The following CTNNA3 variants were observed in gnomAD, a reference collection of about 807,000 sequenced individuals.
CTNNA3 encodes catenin alpha 3, also known as catenin alpha-3.
A neutral mutation model predicts 95.7 loss-of-function variants in CTNNA3; 76 were observed. The observed-to-expected ratio is 0.79, with a 90% CI of 0.66 to 0.96. CTNNA3 has a LOEUF of 0.96. Ranked by LOEUF, CTNNA3 falls within the 40% of genes least tolerant of loss-of-function variation. The pLI, the probability that CTNNA3 is intolerant of heterozygous loss-of-function variation, is 0.00. For synonymous variants in CTNNA3, 431 were observed against 374.4 expected, an observed-to-expected ratio of 1.15 and a Z score of -1.74; for missense variants, 1,191 against 1,089.8, an observed-to-expected ratio of 1.09 and a Z score of -1.31.
At chr10:66,020,228 C>A (rs1389290357) in intron 15 of CTNNA3, among the ~76,000 whole-genome samples, 1 of 152,170 alleles carries the variant, frequency 6.6e-6, no homozygotes, top group African/African-American at 2.4e-5. Flanking sequence ...ATGCATCTAT[C>A]CCAGGAAGCT....
intron 12 of CTNNA3, among the ~76,000 whole-genome samples, chr10:66,365,351 C>T (rs1024341524): frequency 3.3e-5 from 5 of 152,046 alleles, no homozygotes; most frequent in African/African-American, 1.2e-4. Context: ...CACATGGACA[C>T]AGGGAGGGGA....
At chr10:66,778,693 T>G (rs1840409567) in intron 7 of CTNNA3, among the ~76,000 whole-genome samples, 1 of 151,790 alleles carries the variant, frequency 6.6e-6, no homozygotes, top group Admixed American at 6.6e-5. Context: ...AAAAAAATTC[T>G]GGGCCGAGTG....
intron 5 of CTNNA3, among the ~76,000 whole-genome samples, chr10:67,351,856 T>C (rs745600818): frequency 2.0e-5 from 3 of 152,014 alleles, no homozygotes; most frequent in Non-Finnish European, 2.9e-5. Flanking sequence ...GGGATTTTAA[T>C]GCACTCTCTG....
intron 10 of CTNNA3, among the ~76,000 whole-genome samples, chr10:66,564,832 T>C (rs1326846248): frequency 6.6e-6 from 1 of 152,146 alleles, no homozygotes; most frequent in East Asian, 1.9e-4. Flanking sequence ...AATAAATTAG[T>C]GGGGGAAGGG....
intron 9 of CTNNA3, among the ~76,000 whole-genome samples, chr10:66,670,065 T>C (rs1235401122): frequency 1.3e-5 from 2 of 152,190 alleles, no homozygotes; most frequent in Non-Finnish European, 2.9e-5. Flanking sequence ...GAAATCTCCC[T>C]TTCCCTAAAC....
chr10:66,038,713 C>T (rs147576528), intron 15 of CTNNA3, among the ~76,000 whole-genome samples: 23 of 152,228 alleles, frequency 1.5e-4, no homozygotes, highest in African/African-American at 5.1e-4. Flanking sequence ...TTGATGGAGG[C>T]ATGAAAGGAT....
intron 7 of CTNNA3, among the ~76,000 whole-genome samples, chr10:66,933,340 C>A (rs954093731): frequency 3.3e-5 from 5 of 152,140 alleles, no homozygotes; most frequent in Middle Eastern, 3.2e-3. Flanking sequence ...AGACACCGAC[C>A]AGCGAACACT....
At chr10:66,887,660 G>T (rs1263357018) in intron 7 of CTNNA3, among the ~76,000 whole-genome samples, 1 of 152,100 alleles carries the variant, frequency 6.6e-6, no homozygotes, top group Non-Finnish European at 1.5e-5. Context: ...TGAATCTTTT[G>T]TCTATAGCTT....
At chr10:67,411,159 T>G (rs1047566071) in intron 5 of CTNNA3, among the ~76,000 whole-genome samples, 2 of 152,084 alleles carry the variant, frequency 1.3e-5, no homozygotes, top group African/African-American at 2.4e-5. Context: ...TTAATGGCAA[T>G]GAGTTGTGTA....
intron 12 of CTNNA3, among the ~76,000 whole-genome samples, chr10:66,337,944 G>C (rs1253575356): frequency 6.6e-6 from 1 of 151,868 alleles, no homozygotes; most frequent in African/African-American, 2.4e-5. Flanking sequence ...GCATAGCCTA[G>C]GTATCCATAG....
intron 7 of CTNNA3, among the ~76,000 whole-genome samples, chr10:67,043,320 TCTC>T (rs937718678): frequency 1.1e-4 from 16 of 152,102 alleles, no homozygotes; most frequent in African/African-American, 3.6e-4. Context: ...AGAGATTTAT[TCTC>T]CTATGTTCTC....
rs181741554 is a variant in CTNNA3 at position 66,918,824 on chromosome 10, A to G, written c.1048-143300T>C. ...CATGTGTGTAGATAGATAAATAGAG[A>G]GAGAGAGAGAGGTTATAAAGACATA... On this transcript the variant is annotated intron_variant, in intron 7 of 17. Transcript: ENST00000433211. Among the ~76,000 whole-genome samples the G allele has an allele frequency of 1.3e-4, 20 of 151,986 alleles. No homozygotes were observed. The Middle Eastern group carries it at 0.014, about 103-fold the overall frequency.
chr10:67,615,911 G>A (rs1256375142), intron 2 of CTNNA3, among the ~76,000 whole-genome samples: 3 of 152,086 alleles, frequency 2.0e-5, no homozygotes. Context: ...TGATCCACCT[G>A]CCTCGGCCTC....
chr10:66,538,895 A>T (rs540613660), intron 10 of CTNNA3, among the ~76,000 whole-genome samples: 5 of 152,180 alleles, frequency 3.3e-5, no homozygotes, highest in African/African-American at 1.2e-4. Context: ...TTTTTAAAAA[A>T]TTTTCCCTAG....
chr10:65,948,696 A>G (rs1015030676), intron 17 of CTNNA3, among the ~76,000 whole-genome samples: 1 of 152,130 alleles, frequency 6.6e-6, no homozygotes, highest in Non-Finnish European at 1.5e-5. Flanking sequence ...CTATTTGAAC[A>G]TTTCTGTCTT....
chr10:66,743,586 G>A (rs969591485), intron 9 of CTNNA3, among the ~76,000 whole-genome samples: 2 of 152,132 alleles, frequency 1.3e-5, no homozygotes, highest in Admixed American at 1.3e-4. Context: ...TAATTGGATT[G>A]TAACATGTCT....
chr10:66,682,929 C>T (rs762366129), intron 9 of CTNNA3, among the ~76,000 whole-genome samples: 2 of 152,124 alleles, frequency 1.3e-5, no homozygotes, highest in African/African-American at 4.8e-5. Flanking sequence ...CATGAAAATA[C>T]TCATACCTGC....
At chr10:66,192,761 T>C (rs1368490760) in intron 13 of CTNNA3, among the ~76,000 whole-genome samples, 1 of 152,180 alleles carries the variant, frequency 6.6e-6, no homozygotes, top group Non-Finnish European at 1.5e-5. Flanking sequence ...AACATTTTTT[T>C]ACATTTCCCC....
chr10:66,009,262 T>A (rs996766307), intron 15 of CTNNA3, among the ~76,000 whole-genome samples: 1 of 152,206 alleles, frequency 6.6e-6, no homozygotes, highest in Non-Finnish European at 1.5e-5. Context: ...GACATCTTGT[T>A]CTGTTTGGGC....
Sources: gnomAD v4.1 joint callset for allele counts (sites outside exome capture counted in the v4.1 genomes callset) on GRCh38, gnomAD v4.1.1 for gene constraint, MANE v1.5 for transcripts, NCBI Gene and HGNC (gene_info 2026-07-23, HGNC 2026-07-21) for gene names.